Variants in PRR5L observed in about 807,000 individuals in gnomAD.
The protein encoded by PRR5L is proline rich 5 like.
Under a neutral mutation model 36.4 loss-of-function variants are expected in PRR5L, and 21 were observed. The ratio of observed to expected loss-of-function variants is 0.58; its 90% CI spans 0.41 to 0.83. The LOEUF is 0.83. Ranked by LOEUF, PRR5L falls within the 40% of genes least tolerant of loss-of-function variation. The probability of loss-of-function intolerance (pLI) is 0.00; values close to 1 mark genes in which losing one functional copy is unlikely to be tolerated. For synonymous variants in PRR5L, 188 were observed against 197.0 expected (o/e 0.95, Z 0.38); for missense variants, 381 against 473.3 (o/e 0.80, Z 1.81).
At chr11:36,416,822 T>TG (rs1858153962) in intron 3 of PRR5L, among the ~76,000 whole-genome samples, 1 of 40,350 alleles carries the variant, frequency 2.5e-5, no homozygotes, top group East Asian at 1.0e-3. Context: ...CCCTCCCTGA[T>TG]AGGAGGGGAG....
intron 1 of PRR5L, among the ~76,000 whole-genome samples, chr11:36,336,195 C>A (rs1418537594): frequency 6.6e-6 from 1 of 152,164 alleles, no homozygotes. Flanking sequence ...AAAATAGACT[C>A]TCTTTTTCAA....
intron 1 of PRR5L, among the ~76,000 whole-genome samples, chr11:36,372,024 C>T (rs1020836811): frequency 2.6e-5 from 4 of 152,066 alleles, no homozygotes; most frequent in Non-Finnish European, 5.9e-5. Context: ...TGCCACTGCA[C>T]TCCAGCCTGG....
chr11:36,450,078 G>T (rs527784644), intron 7 of PRR5L, among the ~76,000 whole-genome samples: 3 of 151,960 alleles, frequency 2.0e-5, no homozygotes, highest in Non-Finnish European at 2.9e-5. Flanking sequence ...GCCCCTGGCC[G>T]CACCCATCTC....
chr11:36,384,924 G>T (rs1857431441), intron 1 of PRR5L, among the ~76,000 whole-genome samples: 1 of 151,640 alleles, frequency 6.6e-6, no homozygotes. Flanking sequence ...TCCCACTTTG[G>T]CCTCCTAAAT....
Position 36,456,242 on chromosome 11 carries a change from G to A in PRR5L, c.712+4907G>A, listed in dbSNP as rs543430008. On this transcript the variant is annotated intron_variant, in intron 8 of 8. Coordinates refer to ENST00000530639, the MANE Select transcript of PRR5L (RefSeq NM_001160167.2). ...CCCAGCTAAAGGTGGCCTGGCGTCC[G>A]TGGAATCACTCCCCGGGGAGGTTGT... Among the ~76,000 whole-genome samples, 6 of 152,320 alleles carry A rather than the reference G, an allele frequency of 3.9e-5. No homozygotes were observed. In the East Asian group the frequency reaches 7.7e-4, roughly 20 times the overall value.
rs1326959820 is a variant in PRR5L at position 36,414,300 on chromosome 11, C to G, written c.246-4955C>G. On this transcript the variant is annotated intron_variant, in intron 3 of 8. Transcript: ENST00000530639. ...TGAGGAATCGCCACACTGACTTCCA[C>G]AATGGTTGAACTAGTTTACAGTCCC... Among the ~76,000 whole-genome samples, 4 of 149,878 alleles carry G rather than the reference C, an allele frequency of 2.7e-5. No homozygotes were observed. In the East Asian group the frequency reaches 7.9e-4, roughly 30 times the overall value.
chr11:36,328,363 T>C (rs910772028), intron 1 of PRR5L, among the ~76,000 whole-genome samples: 5 of 152,128 alleles, frequency 3.3e-5, no homozygotes, highest in Non-Finnish European at 7.4e-5. Flanking sequence ...TGAGAGGTGA[T>C]TGATCATGGG....
chr11:36,352,096 T>G (rs1565409930), intron 1 of PRR5L, among the ~76,000 whole-genome samples: 1 of 152,044 alleles, frequency 6.6e-6, no homozygotes, highest in Non-Finnish European at 1.5e-5. Context: ...ATCTATTATT[T>G]TTTTATATTT....
intron 1 of PRR5L, among the ~76,000 whole-genome samples, chr11:36,311,323 A>G (rs769050606): frequency 2.0e-5 from 3 of 152,166 alleles, no homozygotes; most frequent in Non-Finnish European, 4.4e-5. Context: ...CATTTTCACA[A>G]CTTCAGGCAA....
At chr11:36,325,885 T>G (rs1355002413) in intron 1 of PRR5L, among the ~76,000 whole-genome samples, 1 of 152,234 alleles carries the variant, frequency 6.6e-6, no homozygotes, top group Admixed American at 6.5e-5. Context: ...CAGTAATCTT[T>G]ACACATATCC....
intron 1 of PRR5L, among the ~76,000 whole-genome samples, chr11:36,306,990 A>G (rs1011626254): frequency 6.6e-6 from 1 of 152,216 alleles, no homozygotes; most frequent in Non-Finnish European, 1.5e-5. Flanking sequence ...TGACTACAAA[A>G]GACCCTGATT....
chr11:36,319,083 T>G (rs1193359522), intron 1 of PRR5L, among the ~76,000 whole-genome samples: 1 of 152,130 alleles, frequency 6.6e-6, no homozygotes. Flanking sequence ...AGGCACTGTA[T>G]GAAATAAAGG....
chr11:36,325,208 C>T (rs1054945301), intron 1 of PRR5L, among the ~76,000 whole-genome samples: 7 of 152,204 alleles, frequency 4.6e-5, no homozygotes, highest in Admixed American at 2.0e-4. Flanking sequence ...GTGTTCAGCT[C>T]GATTACGACC....
chr11:36,299,137 A>G (rs1856346107), intron 1 of PRR5L, among the ~76,000 whole-genome samples: 1 of 152,114 alleles, frequency 6.6e-6, no homozygotes, highest in South Asian at 2.1e-4. Context: ...TGTCAGAAGG[A>G]CCTACACATC....
Position 36,440,907 on chromosome 11 carries a change from T to C in PRR5L, c.444+3431T>C, listed in dbSNP as rs1311061340. Among the ~76,000 whole-genome samples the C allele has an allele frequency of 2.0e-5, 3 of 152,066 alleles. No homozygotes were observed. In the East Asian group the frequency reaches 5.8e-4, roughly 29 times the overall value. On this transcript the variant is annotated intron_variant, in intron 6 of 8. Coordinates refer to ENST00000530639, the MANE Select transcript of PRR5L (RefSeq NM_001160167.2). ...GAAACAACTAGCTCTCTCATACTAA[T>C]AGAGTGAGAACTAATAGAGTGAAAA...
At chr11:36,413,944 T>C (rs1216082906) in intron 3 of PRR5L, among the ~76,000 whole-genome samples, 1 of 144,512 alleles carries the variant, frequency 6.9e-6, no homozygotes, top group Non-Finnish European at 1.5e-5. Context: ...TTCCCACCTA[T>C]GAGTGAGAAC....
intron 3 of PRR5L, among the ~76,000 whole-genome samples, chr11:36,415,534 A>G (rs1212287894): frequency 6.6e-6 from 1 of 152,254 alleles, no homozygotes; most frequent in East Asian, 1.9e-4. Flanking sequence ...ACCTGAGGTC[A>G]GGAGTTTGAG....
chr11:36,434,832 G>A (rs912953110), intron 5 of PRR5L, among the ~76,000 whole-genome samples: 2 of 152,004 alleles, frequency 1.3e-5, no homozygotes, highest in Non-Finnish European at 2.9e-5. Flanking sequence ...TTCTCTGAAC[G>A]CTTTCCAAAA....
intron 5 of PRR5L, among the ~76,000 whole-genome samples, 197 bp downstream of exon 5, chr11:36,432,107 A>G (rs942874087): frequency 2.6e-5 from 4 of 152,174 alleles, no homozygotes; most frequent in African/African-American, 9.7e-5. Flanking sequence ...TGTGTTTCAG[A>G]AAAATGTAGT....
Sources: gnomAD v4.1 joint callset for allele counts (sites outside exome capture counted in the v4.1 genomes callset) on GRCh38, gnomAD v4.1.1 for gene constraint, MANE v1.5 for transcripts, NCBI Gene and HGNC (gene_info 2026-07-23, HGNC 2026-07-21) for gene names.